THSD7B: variants seen among roughly 807,000 people sequenced by gnomAD.
THSD7B encodes the protein thrombospondin type-1 domain-containing protein 7B.
Under a neutral mutation model 213.6 loss-of-function variants are expected in THSD7B, and 138 were observed. The observed-to-expected ratio is 0.65, with a 90% CI of 0.56 to 0.74. The LOEUF (loss-of-function observed/expected upper bound fraction) is 0.74, where lower values mean the gene tolerates loss of function less well. Ranked by LOEUF, THSD7B falls within the 30% of genes least tolerant of loss-of-function variation. THSD7B has a pLI of 0.00. For missense variants in THSD7B, 1,931 were observed against 1,991.5 expected (o/e 0.97, Z 0.58); for synonymous variants, 742 against 687.0 (o/e 1.08, Z -1.25).
rs765937969 is a variant in THSD7B at position 137,109,671 on chromosome 2, A to G, written c.1200-5453A>G. Among the ~76,000 whole-genome samples, 4 of 152,126 alleles carry G rather than the reference A, an allele frequency of 2.6e-5. No homozygotes were observed. The East Asian group carries it at 7.7e-4, about 29-fold the overall frequency. ...GGGTTTGCACTCCTGTGAGAATCTA[A>G]TGCTGCTGCTGATCTAACAGGAGGC... On this transcript the variant is annotated intron_variant, in intron 4 of 27. Transcript: ENST00000409968.
chr2:137,521,766 A>G (rs899185195), intron 15 of THSD7B, among the ~76,000 whole-genome samples: 1 of 152,212 alleles, frequency 6.6e-6, no homozygotes, highest in Non-Finnish European at 1.5e-5. Flanking sequence ...CCTGTAGAGC[A>G]GGAGTGCTTC....
At chr2:136,900,032 T>C (rs1684038492) in intron 2 of THSD7B, among the ~76,000 whole-genome samples, 1 of 152,148 alleles carries the variant, frequency 6.6e-6, no homozygotes, top group African/African-American at 2.4e-5. Flanking sequence ...TTCTCAGCAG[T>C]TGGGTAATGA....
chr2:136,917,753 T>C (rs1684372727), intron 2 of THSD7B, among the ~76,000 whole-genome samples: 1 of 152,248 alleles, frequency 6.6e-6, no homozygotes, highest in Non-Finnish European at 1.5e-5. Context: ...TCTGTCACCC[T>C]GGAGGACTCT....
chr2:137,103,616 G>A (rs1007416755), intron 4 of THSD7B, among the ~76,000 whole-genome samples: 7 of 151,712 alleles, frequency 4.6e-5, no homozygotes, highest in African/African-American at 1.2e-4. Context: ...AATACCCATC[G>A]GTGTGTTGTA....
chr2:137,015,760 C>T (rs1022765341), intron 2 of THSD7B, among the ~76,000 whole-genome samples: 1 of 152,142 alleles, frequency 6.6e-6, no homozygotes, highest in Non-Finnish European at 1.5e-5. Context: ...TCCTCCTTAT[C>T]GCCTGCTTTT....
chr2:137,503,927 T>C (rs936319993), intron 15 of THSD7B, among the ~76,000 whole-genome samples: 8 of 150,328 alleles, frequency 5.3e-5, no homozygotes, highest in African/African-American at 2.0e-4. Flanking sequence ...TGGGGGAGGC[T>C]GAGGCAGGAG....
At chr2:137,241,974 G>C (rs563895414) in intron 9 of THSD7B, among the ~76,000 whole-genome samples, 1 of 150,948 alleles carries the variant, frequency 6.6e-6, no homozygotes, top group Non-Finnish European at 1.5e-5. Context: ...CTAGAATTCT[G>C]TTAATGATCA....
intron 2 of THSD7B, among the ~76,000 whole-genome samples, chr2:136,972,235 G>C (rs188476156): frequency 6.6e-6 from 1 of 152,126 alleles, no homozygotes; most frequent in African/African-American, 2.4e-5. Flanking sequence ...GGGGTAGTGA[G>C]AGCTATGTTC....
At chr2:137,479,531 C>T in intron 15 of THSD7B, 1 of 364,622 alleles carries the variant, frequency 2.7e-6, no homozygotes, top group Non-Finnish European at 5.5e-6. Flanking sequence ...TCGCTGGGAG[C>T]AGCCTTAGGC....
intron 12 of THSD7B, among the ~76,000 whole-genome samples, chr2:137,325,859 T>A (rs1192553358): frequency 6.6e-6 from 1 of 152,220 alleles, no homozygotes; most frequent in African/African-American, 2.4e-5. Context: ...TCCTCTGCCA[T>A]CTTCATTTGC....
chr2:137,202,553 G>A, intron 7 of THSD7B, among the ~76,000 whole-genome samples: 1 of 152,174 alleles, frequency 6.6e-6, no homozygotes, highest in East Asian at 1.9e-4. Flanking sequence ...AGAGAGCACG[G>A]CCCTGCCAAC....
chr2:136,953,262 T>C (rs2105074749), intron 2 of THSD7B, among the ~76,000 whole-genome samples: 1 of 152,302 alleles, frequency 6.6e-6, no homozygotes, highest in South Asian at 2.1e-4. Flanking sequence ...ACAAATTTTG[T>C]AGGAAAGACA....
intron 3 of THSD7B, among the ~76,000 whole-genome samples, chr2:137,090,560 G>C (rs1687932108): frequency 1.3e-5 from 2 of 152,022 alleles, no homozygotes; most frequent in Non-Finnish European, 1.5e-5. Context: ...CGTAATTTTT[G>C]TTTCAAATAT....
At chr2:137,007,733 A>G (rs568195062) in intron 2 of THSD7B, among the ~76,000 whole-genome samples, 1 of 152,306 alleles carries the variant, frequency 6.6e-6, no homozygotes, top group African/African-American at 2.4e-5. Flanking sequence ...AAATTAAGGT[A>G]TACAACAGTA....
chr2:137,453,764 C>T (rs182531306), intron 15 of THSD7B, among the ~76,000 whole-genome samples: 21 of 152,258 alleles, frequency 1.4e-4, no homozygotes, highest in African/African-American at 4.6e-4. Flanking sequence ...GCATCATCCC[C>T]CTTCCCTCCA....
At chr2:137,307,879 C>G (rs1683794715) in intron 12 of THSD7B, among the ~76,000 whole-genome samples, 1 of 152,042 alleles carries the variant, frequency 6.6e-6, no homozygotes, top group South Asian at 2.1e-4. Flanking sequence ...GTGACCCTCT[C>G]TGGAGACTGT....
intron 15 of THSD7B, among the ~76,000 whole-genome samples, chr2:137,462,628 A>T (rs1183290139): frequency 6.6e-6 from 1 of 152,066 alleles, no homozygotes; most frequent in Non-Finnish European, 1.5e-5. Flanking sequence ...CTGCAAGGCA[A>T]CCTGGAAGTG....
intron 5 of THSD7B, among the ~76,000 whole-genome samples, chr2:137,119,701 C>G (rs1468851567): frequency 6.6e-6 from 1 of 152,028 alleles, no homozygotes; most frequent in Non-Finnish European, 1.5e-5. Context: ...GTGCTACAGC[C>G]TTTTTTCCCC....
intron 1 of THSD7B, among the ~76,000 whole-genome samples, chr2:136,804,033 C>A (rs1036930951): frequency 6.6e-6 from 1 of 152,062 alleles, no homozygotes; most frequent in Non-Finnish European, 1.5e-5. Flanking sequence ...ACAGATACAC[C>A]CAGAAATAAT....
Sources: gnomAD v4.1 joint callset for allele counts (sites outside exome capture counted in the v4.1 genomes callset) on GRCh38, gnomAD v4.1.1 for gene constraint, MANE v1.5 for transcripts, NCBI Gene and HGNC (gene_info 2026-07-23, HGNC 2026-07-21) for gene names.